The following CAT variants were observed in gnomAD, a reference collection of about 807,000 sequenced individuals.
CAT encodes the protein epididymis secretory sperm binding protein.
A neutral mutation model predicts 59.0 loss-of-function variants in CAT; 43 were observed. The ratio of observed to expected loss-of-function variants is 0.73; its 90% CI spans 0.57 to 0.94. The LOEUF is 0.94. Among genes scored for constraint, CAT ranks in the 40% least tolerant of loss-of-function variants. CAT has a pLI of 0.00. For missense variants in CAT, 664 were observed against 682.9 expected, an observed-to-expected ratio of 0.97 and a Z score of 0.31; for synonymous variants, 218 against 230.9, an observed-to-expected ratio of 0.94 and a Z score of 0.51.
At chr11:34,461,485 C>T in intron 9 of CAT, 96 bp downstream of exon 9, 1 of 1,427,936 alleles carries the variant, frequency 7.0e-7, no homozygotes, top group African/African-American at 1.4e-5. Context: ...GCTGGCCCCG[C>T]AGGACCTCCT....
chr11:34,443,428 T>C (rs1856414604), intron 1 of CAT, among the ~76,000 whole-genome samples: 3 of 152,260 alleles, frequency 2.0e-5, no homozygotes, highest in Non-Finnish European at 1.5e-5. Flanking sequence ...AAAATTCTTA[T>C]TTCTTTTTCT....
rs766193561 is a variant in CAT at position 34,449,321 on chromosome 11, C to T, written c.196C>T (p.Arg66Ter). ...CACTGATGAAATGGCTCATTTTGAC[C>T]GAGAGAGAATTCCTGAGAGAGTTGT... Reference protein sequence around the residue: ...VFTDEMAHFDRERIPERVVHA... With the variant: ...VFTDEMAHFD The change falls in exon 2 of 13, where the codon CGA (arginine) becomes TGA (stop). Residue 66 changes from arginine (R) to a stop codon, truncating the protein, a stop_gained. Coordinates refer to ENST00000241052, the MANE Select transcript of CAT (RefSeq NM_001752.4). LOFTEE classifies it high-confidence loss of function. The T allele has an allele frequency of 1.3e-5, 21 of 1,614,014 alleles. No individual in the cohort carries two copies. Among genetic ancestry groups the T allele is most frequent in the East Asian group, 1.1e-4 (5 of 44,870 alleles).
intron 1 of CAT, 85 bp from the exon 2 acceptor site, chr11:34,449,107 A>G: frequency 8.3e-7 from 1 of 1,198,776 alleles, no homozygotes; most frequent in South Asian, 1.2e-5. Flanking sequence ...TGGTATAAAC[A>G]TTGCAAAGCT....
rs1024312427 is a variant in CAT at position 34,457,827 on chromosome 11, C to T, written c.1056+1010C>T. 5.9e-5 allele frequency among the ~76,000 whole-genome samples: 9 copies of T among 152,194 alleles called. No homozygotes were observed. The South Asian group carries it at 8.3e-4, about 14-fold the overall frequency. Reference sequence around the variant, plus strand: ...GATTGTACCCTAAATCAGACCACAGCGACTGAAGGTTACTTCTTATGTAAG... The same window carrying T: ...GATTGTACCCTAAATCAGACCACAGTGACTGAAGGTTACTTCTTATGTAAG... On this transcript the variant is annotated intron_variant, in intron 8 of 12. Coordinates refer to ENST00000241052, the MANE Select transcript of CAT (RefSeq NM_001752.4).
chr11:34,471,311 A>C, intron 12 of CAT, 57 bp from the exon 13 acceptor site: 1 of 1,300,566 alleles, frequency 7.7e-7, no homozygotes, highest in South Asian at 1.2e-5. Context: ...AACTGAGTAA[A>C]TATCACGTTG....
intron 8 of CAT, 34 bp from the exon 9 acceptor site, chr11:34,461,217 C>T (rs1276417972): frequency 1.2e-6 from 2 of 1,611,488 alleles, no homozygotes; most frequent in South Asian, 1.1e-5. Context: ...ATGTTACTGC[C>T]CCTAGTCAGT....
chr11:34,464,046 T>C, intron 9 of CAT, 59 bp from the exon 10 acceptor site: 1 of 1,578,846 alleles, frequency 6.3e-7, no homozygotes, highest in Non-Finnish European at 8.7e-7. Context: ...CAGTGATTAT[T>C]TGCAGACTTA....
chr11:34,447,173 G>T (rs933955714), intron 1 of CAT, among the ~76,000 whole-genome samples: 1 of 152,110 alleles, frequency 6.6e-6, no homozygotes, highest in Non-Finnish European at 1.5e-5. Context: ...TCACCCAATA[G>T]TTCTAGGTTA....
intron 10 of CAT, among the ~76,000 whole-genome samples, chr11:34,467,296 A>C (rs895722747): frequency 1.4e-4 from 22 of 152,252 alleles, no homozygotes; most frequent in African/African-American, 5.3e-4. Context: ...AATATGTCAA[A>C]TACAGCTGAA....
At chr11:34,440,533 A>G (rs187706200) in intron 1 of CAT, among the ~76,000 whole-genome samples, 3 of 152,044 alleles carry the variant, frequency 2.0e-5, no homozygotes, top group East Asian at 1.9e-4. Flanking sequence ...TTTTTACAAA[A>G]CAAAATATTT....
In CAT at chr11:34,465,579, T is replaced by G. The variant is rs61424439; in HGVS notation, c.1326+1344T>G. Among the ~76,000 whole-genome samples, 623 of 152,260 alleles carry G rather than the reference T, an allele frequency of 4.1e-3. 6 individuals carry two copies. The highest frequency in any genetic ancestry group is 0.015 in the African/African-American group (605 of 41,534). ...GAGGCTATTGCTTACACATGAAAAT[T>G]TATTATGTGCTCATTCTTATTGAGA... On this transcript the variant is annotated intron_variant, in intron 10 of 12. Transcript: ENST00000241052.
At chr11:34,456,297 G>A (rs2133185729) in intron 7 of CAT, 95 bp downstream of exon 7, 1 of 976,382 alleles carries the variant, frequency 1.0e-6, no homozygotes, top group South Asian at 1.4e-5. Context: ...TAATGGGGAA[G>A]TCATATACAA....
At position 34,464,154 on chromosome 11, in the gene CAT, G is replaced by A; in HGVS notation, c.1245G>A (p.Gln415=). Residue 415 remains glutamine (Q), a synonymous_variant, in exon 10 of 13, where the codon CAG becomes CAA. Transcript: ENST00000241052. ...ACAGCTTTGGTGCTCCGGAACAACA[G>A]CCTTCTGCCCTGGAGCACAGCATCC... ...YPNSFGAPEQ[Q]PSALEHSIQY... 2 of 1,614,122 alleles carry A rather than the reference G, an allele frequency of 1.2e-6. No individual in the cohort carries two copies. Among genetic ancestry groups the A allele is most frequent in the Non-Finnish European group, 1.7e-6 (2 of 1,179,984 alleles).
chr11:34,468,673 C>T, intron 11 of CAT: 1 of 525,300 alleles, frequency 1.9e-6, no homozygotes, highest in South Asian at 2.1e-5. Context: ...AATTCAGCTG[C>T]AGCCAAGTTC....
Position 34,456,732 on chromosome 11 carries a change from ATTACT to A in CAT, c.974_978del (p.Tyr325CysfsTer2), listed in dbSNP as rs770822179. The A allele has an allele frequency of 2.2e-5, 35 of 1,614,046 alleles. No individual in the cohort carries two copies. The African/African-American group carries it at 4.0e-4, about 18-fold the overall frequency. On this transcript the variant is annotated frameshift_variant, in exon 8 of 13. Coordinates refer to ENST00000241052, the MANE Select transcript of CAT (RefSeq NM_001752.4). LOFTEE classifies it high-confidence loss of function. ...CTGGTCTTAAACCGGAATCCAGTTAATTACTTTGCTGAGGTTGAACAGATAGCCTT... is the reference window on the plus strand; with the variant it reads ...CTGGTCTTAAACCGGAATCCAGTTAATTGCTGAGGTTGAACAGATAGCCTT...
intron 8 of CAT, among the ~76,000 whole-genome samples, chr11:34,458,208 C>T (rs1264458413): frequency 2.6e-5 from 4 of 152,204 alleles, no homozygotes; most frequent in African/African-American, 9.7e-5. Context: ...AGGAGAAGGA[C>T]ATGAGTATAG....
At chr11:34,453,009 G>A in intron 4 of CAT, 81 bp from the exon 5 acceptor site, 1 of 816,986 alleles carries the variant, frequency 1.2e-6, no homozygotes, top group Non-Finnish European at 2.2e-6. Context: ...CATAAACCTA[G>A]TAATAGGCAT....
intron 8 of CAT, among the ~76,000 whole-genome samples, chr11:34,458,195 G>A (rs188206362): frequency 1.8e-4 from 27 of 152,310 alleles, no homozygotes; most frequent in Non-Finnish European, 3.2e-4. Flanking sequence ...GGTAAAATGC[G>A]GCAGGAGAAG....
chr11:34,450,951 G>A (rs751339008), intron 2 of CAT, 37 bp from the exon 3 acceptor site: 2 of 1,351,442 alleles, frequency 1.5e-6, no homozygotes, highest in Non-Finnish European at 2.1e-6. Flanking sequence ...TCTGAGTAAT[G>A]GTCTCATGGT....
Sources: allele counts gnomAD v4.1 joint callset (sites outside exome capture counted in the v4.1 genomes callset), GRCh38; gene constraint gnomAD v4.1.1; transcripts MANE v1.5; gene names NCBI Gene and HGNC (gene_info 2026-07-23, HGNC 2026-07-21).